Variants in USP25 observed in about 807,000 individuals in gnomAD.
The protein encoded by USP25 is ubiquitin carboxyl-terminal hydrolase 25.
A neutral mutation model predicts 158.5 loss-of-function variants in USP25; 85 were observed. The observed-to-expected ratio is 0.54, with a 90% CI of 0.45 to 0.64. The LOEUF (loss-of-function observed/expected upper bound fraction) is 0.64, where lower values mean the gene tolerates loss of function less well. USP25 is among the 30% of genes least tolerant of loss of function. The probability of loss-of-function intolerance (pLI) is 0.00; values close to 1 mark genes in which losing one functional copy is unlikely to be tolerated. For synonymous variants in USP25, 464 were observed against 460.4 expected, an observed-to-expected ratio of 1.01 and a Z score of -0.10; for missense variants, 1,242 against 1,327.3, an observed-to-expected ratio of 0.94 and a Z score of 1.00.
Position 15,866,220 on chromosome 21 carries a change from T to C in USP25, c.2727-46T>C, listed in dbSNP as rs9712600. The C allele has an allele frequency of 7.0e-3, 7,786 of 1,116,560 alleles. 62 individuals carry two copies. The highest frequency in any genetic ancestry group is 0.043 in the Middle Eastern group (146 of 3,362). 69.2% of individuals were successfully genotyped at this position (1,116,560 alleles called of 1,614,324 possible). Reference sequence around the variant, plus strand: ...ATTTACAAATATATATATATATATATACACACACATACACACACGCTCATA... The same window carrying C: ...ATTTACAAATATATATATATATATACACACACACATACACACACGCTCATA... On this transcript the variant is annotated intron_variant, in intron 21 of 25. Coordinates refer to ENST00000400183, the MANE Select transcript of USP25 (RefSeq NM_001283041.3).
At chr21:15,838,903 A>G (rs530152650) in intron 17 of USP25, among the ~76,000 whole-genome samples, 2 of 152,226 alleles carry the variant, frequency 1.3e-5, no homozygotes, top group East Asian at 1.9e-4. Flanking sequence ...AACCTCCTCA[A>G]TAGCCTGTTT....
chr21:15,812,162 T>C (rs761596504), intron 9 of USP25, among the ~76,000 whole-genome samples: 2 of 150,982 alleles, frequency 1.3e-5, no homozygotes, highest in Non-Finnish European at 2.9e-5. Flanking sequence ...TTTATATATA[T>C]ATGTAGAATA....
rs574861926 is a variant in USP25 at position 15,767,729 on chromosome 21, GA to G, written c.268+1590del. On this transcript the variant is annotated intron_variant, in intron 3 of 25. Coordinates refer to ENST00000400183, the MANE Select transcript of USP25 (RefSeq NM_001283041.3). ...TGACTAAAATGCTCCTGGTTTAAGT[GA>G]AGCAAGCAGGAAATTGACTAAACAG... 4.3e-3 allele frequency among the ~76,000 whole-genome samples: 652 copies of G among 152,148 alleles called. 8 individuals are homozygous for G. Among genetic ancestry groups the G allele is most frequent in the African/African-American group, 0.015 (611 of 41,516 alleles).
At chr21:15,812,098 T>C (rs1310236363) in intron 9 of USP25, among the ~76,000 whole-genome samples, 1 of 151,322 alleles carries the variant, frequency 6.6e-6, no homozygotes, top group East Asian at 1.9e-4. Context: ...TAACAACTTA[T>C]ATATAAGTTG....
chr21:15,809,726 A>G (rs1314369760), intron 8 of USP25, among the ~76,000 whole-genome samples: 1 of 152,230 alleles, frequency 6.6e-6, no homozygotes, highest in Non-Finnish European at 1.5e-5. Flanking sequence ...GTTATTCACA[A>G]TAGCCGAAAG....
chr21:15,820,134 G>A (rs1402178889), intron 10 of USP25, among the ~76,000 whole-genome samples: 2 of 152,012 alleles, frequency 1.3e-5, no homozygotes, highest in Non-Finnish European at 2.9e-5. Context: ...TTAAGAGTGG[G>A]ACTTTACCAG....
Position 15,730,522 on chromosome 21 carries a change from C to T in USP25, c.45+84C>T, listed in dbSNP as rs9977917. The stretch of plus-strand genomic sequence containing the variant: ...CCGCTGCGGCCGGGCGCCCCGGCCT[C>T]GCCGCCGCCGCCTTCCCGGGCTTCC... On this transcript the variant is annotated intron_variant, in intron 1 of 25. Transcript: ENST00000400183. The T allele has an allele frequency of 3.0e-5, 38 of 1,268,404 alleles. No homozygotes were observed. The East Asian group carries it at 1.2e-3, about 40-fold the overall frequency. The allele number at this position is 1,268,404 out of a possible 1,614,324, so 78.6% of individuals were successfully genotyped here.
At chr21:15,808,219 A>T (rs974772040) in intron 7 of USP25, among the ~76,000 whole-genome samples, 1 of 152,190 alleles carries the variant, frequency 6.6e-6, no homozygotes, top group African/African-American at 2.4e-5. Context: ...GTAGTTGATA[A>T]CACAACTGCC....
chr21:15,848,705 C>A (rs2038744534), intron 19 of USP25, among the ~76,000 whole-genome samples: 1 of 151,938 alleles, frequency 6.6e-6, no homozygotes, highest in African/African-American at 2.4e-5. Flanking sequence ...TCAGAAGTGT[C>A]ATAAAGACAT....
intron 9 of USP25, among the ~76,000 whole-genome samples, chr21:15,817,261 CTT>C (rs2036990308): frequency 6.6e-6 from 1 of 151,432 alleles, no homozygotes. Context: ...TTACCTATCT[CTT>C]ATCCTGCTCA....
In USP25 at chr21:15,826,409, A is replaced by T; in HGVS notation, c.1466+44A>T. 6.3e-7 allele frequency: 1 copy of T among 1,598,366 alleles called. No individual in the cohort carries two copies. The highest frequency in any genetic ancestry group is 1.3e-5 in the African/African-American group (1 of 74,650). On this transcript the variant is annotated intron_variant, in intron 13 of 25. Coordinates refer to ENST00000400183, the MANE Select transcript of USP25 (RefSeq NM_001283041.3). The surrounding 1 kb of genome is among the most constrained non-coding windows in gnomAD (Gnocchi z 4.8). ...GCAAGAGACAGTTGTTACCTTTATTACACAATAATGTAACTGCTGCCTTTA... is the reference window on the plus strand; with the variant it reads ...GCAAGAGACAGTTGTTACCTTTATTTCACAATAATGTAACTGCTGCCTTTA...
In USP25 at chr21:15,816,777, C is replaced by G. The variant is rs1177272738; in HGVS notation, c.932-1921C>G. On this transcript the variant is annotated intron_variant, in intron 9 of 25. Transcript: ENST00000400183. This position sits in a 1 kb window ranked among gnomAD's most constrained non-coding sequence, Gnocchi z 4.0. The stretch of plus-strand genomic sequence containing the variant: ...GATCATAATGAACCAGTGATTTCCA[C>G]TGCTACCTCAAAACTAAAGAAAAAA... Among the ~76,000 whole-genome samples, 1 of 150,160 alleles carries G rather than the reference C, an allele frequency of 6.7e-6. No homozygotes were observed. The highest frequency in any genetic ancestry group is 1.5e-5 in the Non-Finnish European group (1 of 68,012).
chr21:15,774,659 G>T (rs2034537348), intron 3 of USP25, among the ~76,000 whole-genome samples: 1 of 152,194 alleles, frequency 6.6e-6, no homozygotes, highest in Non-Finnish European at 1.5e-5. Flanking sequence ...ATATATCGCA[G>T]AAGTACTTTA....
In USP25 at chr21:15,766,035, T is replaced by C; in HGVS notation, c.162T>C (p.Leu54=). ...NGNLELAVAF[L]TAKNAKTPQQ... is the part of the protein sequence containing the mutation. ...ACTTGGAATTAGCAGTGGCTTTCCT[T>C]ACTGCGAAGAATGCTAAGACCCCTC... is the stretch of plus-strand genomic sequence containing the variant. The change falls in exon 3 of 26, where the codon CTT becomes CTC. Residue 54 remains leucine, a synonymous_variant. Transcript: ENST00000400183. The surrounding 1 kb of genome is among the most constrained non-coding windows in gnomAD (Gnocchi z 4.0). 1 of 1,609,146 alleles carries C rather than the reference T, an allele frequency of 6.2e-7. No individual in the cohort carries two copies. The highest frequency in any genetic ancestry group is 2.2e-5 in the East Asian group (1 of 44,604).
intron 1 of USP25, among the ~76,000 whole-genome samples, chr21:15,738,443 AT>A (rs1439000081): frequency 1.3e-5 from 2 of 152,176 alleles, no homozygotes; most frequent in African/African-American, 4.8e-5. Context: ...GTCGTGTTTA[AT>A]ATCTCTTGTA....
chr21:15,834,579 A>T (rs2037969431), intron 17 of USP25, among the ~76,000 whole-genome samples: 1 of 152,180 alleles, frequency 6.6e-6, no homozygotes, highest in African/African-American at 2.4e-5. Flanking sequence ...GAACTTTAGA[A>T]GGAATTATTA....
chr21:15,761,081 A>G (rs749763540), intron 1 of USP25, among the ~76,000 whole-genome samples: 6 of 151,872 alleles, frequency 4.0e-5, no homozygotes, highest in Admixed American at 6.6e-5. Flanking sequence ...TAGAATAATT[A>G]TTTTTCACAG....
chr21:15,784,829 CAA>C (rs927636661), intron 4 of USP25, among the ~76,000 whole-genome samples: 6 of 151,658 alleles, frequency 4.0e-5, no homozygotes, highest in African/African-American at 1.2e-4. Context: ...CAGAAGTAAA[CAA>C]GAGGGAAAGA....
intron 1 of USP25, among the ~76,000 whole-genome samples, chr21:15,731,001 T>TTTC (rs2030816987): frequency 8.6e-6 from 1 of 116,034 alleles, no homozygotes; most frequent in Non-Finnish European, 1.8e-5. Flanking sequence ...TTTTTTTTTT[T>TTTC]CAATATAGAA....
Sources: gnomAD v4.1 joint callset for allele counts (sites outside exome capture counted in the v4.1 genomes callset) on GRCh38, gnomAD v4.1.1 for gene constraint, Gnocchi (gnomAD v3.1) non-coding constraint, MANE v1.5 for transcripts, NCBI Gene and HGNC (gene_info 2026-07-23, HGNC 2026-07-21) for gene names.